Variants in DSCAM observed in about 807,000 individuals in gnomAD.
The protein encoded by DSCAM is DS cell adhesion molecule.
A neutral mutation model predicts 217.7 loss-of-function variants in DSCAM; 47 were observed. That is an observed-to-expected ratio of 0.22 (90% CI 0.17 to 0.28). DSCAM has a LOEUF of 0.28. DSCAM is among the 10% of genes least tolerant of loss of function. The pLI is 1.00. For missense variants in DSCAM, 2,080 were observed against 2,618.3 expected (o/e 0.79, Z 4.49); for synonymous variants, 1,056 against 1,015.3 (o/e 1.04, Z -0.76).
chr21:40,820,807 C>T (rs1195265354), intron 1 of DSCAM, among the ~76,000 whole-genome samples: 2 of 152,132 alleles, frequency 1.3e-5, no homozygotes, highest in Non-Finnish European at 2.9e-5. Flanking sequence ...CCCACTTAAA[C>T]ATCAGAACCT....
rs1423122141 is a variant in DSCAM, at chr21:40,708,488, C to A, written c.327G>T (p.Gly109=). ...TYYCTAENPS[G]KIRSQDVHIK... ...TGTGGACATCCTGACTTCTAATTTTCCCTGAAGGATTTTCAGCTGTGCAAT... is the reference window on the plus strand; with the variant it reads ...TGTGGACATCCTGACTTCTAATTTTACCTGAAGGATTTTCAGCTGTGCAAT... Residue 109 remains glycine, a synonymous_variant, in exon 2 of 33, where the codon GGG becomes GGT. Coordinates refer to ENST00000400454, the MANE Select transcript of DSCAM (RefSeq NM_001389.5). 2.0e-6 allele frequency: 3 copies of A among 1,511,224 alleles called. No individual in the cohort carries two copies. The Admixed American group carries it at 6.1e-5, about 31-fold the overall frequency. The allele number at this position is 1,511,224 out of a possible 1,614,324, so 93.6% of individuals were successfully genotyped here.
chr21:40,331,392 C>T (rs574207867), intron 8 of DSCAM, among the ~76,000 whole-genome samples: 11 of 152,292 alleles, frequency 7.2e-5, no homozygotes, highest in East Asian at 1.9e-4. Context: ...ACGGCATCCC[C>T]GGCCGCTCAC....
intron 3 of DSCAM, among the ~76,000 whole-genome samples, chr21:40,458,955 C>A (rs1365471895): frequency 6.6e-6 from 1 of 151,726 alleles, no homozygotes; most frequent in African/African-American, 2.4e-5. Flanking sequence ...AGAGTAGAAC[C>A]TAGGTAAAAT....
At chr21:40,753,025 C>G (rs955223743) in intron 1 of DSCAM, among the ~76,000 whole-genome samples, 1 of 152,228 alleles carries the variant, frequency 6.6e-6, no homozygotes, top group Non-Finnish European at 1.5e-5. Context: ...ACAGGCCCCT[C>G]AGCCTCCACC....
At chr21:40,245,671 T>G (rs538437616) in intron 11 of DSCAM, among the ~76,000 whole-genome samples, 1 of 152,196 alleles carries the variant, frequency 6.6e-6, no homozygotes. Context: ...TTTTCCTTTA[T>G]GCCAGGAATT....
At chr21:40,399,607 A>T (rs1203584027) in intron 3 of DSCAM, among the ~76,000 whole-genome samples, 5 of 152,226 alleles carry the variant, frequency 3.3e-5, no homozygotes, top group African/African-American at 1.2e-4. Context: ...CCTAGATTGG[A>T]CCAACTTCCT....
At chr21:40,311,960 TAGTGA>T in intron 9 of DSCAM, 116 bp downstream of exon 9, 1 of 321,030 alleles carries the variant, frequency 3.1e-6, no homozygotes, top group Non-Finnish European at 4.8e-6. Context: ...TTTTTTTTTT[TAGTGA>T]GATAAAACTG....
Position 40,134,219 on chromosome 21 carries a change from G to T in DSCAM, c.3407-210C>A, listed in dbSNP as rs142112447. Among the ~76,000 whole-genome samples the T allele has an allele frequency of 9.1e-4, 138 of 152,198 alleles. 1 individual carries two copies. Among genetic ancestry groups the T allele is most frequent in the African/African-American group, 3.0e-3 (125 of 41,526 alleles). The stretch of plus-strand genomic sequence containing the variant: ...TGGAAAAGAACATTCACACCAAACT[G>T]CTCCAGAACACAAGGCAGAACGTTG... On this transcript the variant is annotated intron_variant, in intron 18 of 32. Coordinates refer to ENST00000400454, the MANE Select transcript of DSCAM (RefSeq NM_001389.5).
In DSCAM at chr21:40,144,663, A is replaced by G. The variant is rs1438752898; in HGVS notation, c.3087T>C (p.Thr1029=). The change falls in exon 17 of 33, where the codon ACT becomes ACC. Residue 1029 remains threonine (T), a synonymous_variant. Coordinates refer to ENST00000400454, the MANE Select transcript of DSCAM (RefSeq NM_001389.5). This position sits in a 1 kb window ranked among gnomAD's most constrained non-coding sequence, Gnocchi z 4.8. The part of the protein sequence containing the change: ...GYQIGYREYS[T]GGNFQFNIIS... ...TAATGTTGAATTGGAAGTTACCCCC[A>G]GTGCTGTACTCTCGGTAACCTATTT... 3 of 1,613,980 alleles carry G rather than the reference A, an allele frequency of 1.9e-6. No homozygotes were observed. In the African/African-American group the frequency reaches 4.0e-5, roughly 22 times the overall value.
chr21:40,290,068 T>C (rs1319295497), intron 10 of DSCAM, among the ~76,000 whole-genome samples: 1 of 151,406 alleles, frequency 6.6e-6, no homozygotes, highest in African/African-American at 2.4e-5. Flanking sequence ...AATGGAAAAA[T>C]ATCGAACAAA....
At chr21:40,048,793 C>A (rs1271365151) in intron 30 of DSCAM, among the ~76,000 whole-genome samples, 1 of 152,104 alleles carries the variant, frequency 6.6e-6, no homozygotes, top group Non-Finnish European at 1.5e-5. Flanking sequence ...GGTATAAACA[C>A]CTGGGCAGAG....
intron 11 of DSCAM, among the ~76,000 whole-genome samples, chr21:40,266,031 C>T (rs1376555003): frequency 6.6e-6 from 1 of 152,098 alleles, no homozygotes; most frequent in Non-Finnish European, 1.5e-5. Context: ...AAAGCTTCTG[C>T]ACAGCAAAAT....
At chr21:40,702,974 A>G (rs577608963) in intron 2 of DSCAM, among the ~76,000 whole-genome samples, 1 of 152,322 alleles carries the variant, frequency 6.6e-6, no homozygotes, top group African/African-American at 2.4e-5. Context: ...CAAACTACCT[A>G]AGACATTGTT....
At chr21:40,424,440 A>G (rs908025795) in intron 3 of DSCAM, among the ~76,000 whole-genome samples, 3 of 152,164 alleles carry the variant, frequency 2.0e-5, no homozygotes, top group African/African-American at 7.2e-5. Flanking sequence ...GACTGGCGTG[A>G]TGTCTATAAT....
At chr21:40,703,407 T>C (rs2090678371) in intron 2 of DSCAM, among the ~76,000 whole-genome samples, 1 of 152,026 alleles carries the variant, frequency 6.6e-6, no homozygotes, top group Non-Finnish European at 1.5e-5. Context: ...TGGTCCCAGC[T>C]ACTTGGGAGG....
intron 3 of DSCAM, among the ~76,000 whole-genome samples, chr21:40,422,842 T>C (rs1338054673): frequency 6.6e-6 from 1 of 152,210 alleles, no homozygotes; most frequent in African/African-American, 2.4e-5. Flanking sequence ...ATTCAAATAT[T>C]CCATCAATGT....
At chr21:40,254,739 C>T (rs1015265706) in intron 11 of DSCAM, among the ~76,000 whole-genome samples, 4 of 152,114 alleles carry the variant, frequency 2.6e-5, no homozygotes, top group African/African-American at 7.2e-5. Context: ...ACTTCCTGTA[C>T]TCCCCCTATG....
intron 1 of DSCAM, among the ~76,000 whole-genome samples, chr21:40,768,969 T>C (rs2091420695): frequency 6.6e-6 from 1 of 152,184 alleles, no homozygotes; most frequent in Non-Finnish European, 1.5e-5. Context: ...AAGAGATGCA[T>C]ATTGAAGACG....
At chr21:40,108,702 A>C (rs2089854741) in intron 20 of DSCAM, among the ~76,000 whole-genome samples, 1 of 152,230 alleles carries the variant, frequency 6.6e-6, no homozygotes, top group Non-Finnish European at 1.5e-5. Flanking sequence ...GGCAATCCTA[A>C]GCAAAAAGAA....
Sources: allele counts gnomAD v4.1 joint callset (sites outside exome capture counted in the v4.1 genomes callset), GRCh38; gene constraint gnomAD v4.1.1; non-coding constraint Gnocchi (gnomAD v3.1); transcripts MANE v1.5; gene names NCBI Gene and HGNC (gene_info 2026-07-23, HGNC 2026-07-21).